REV3L: variants seen among roughly 807,000 people sequenced by gnomAD.
The protein encoded by REV3L is DNA polymerase zeta catalytic subunit.
Under a neutral mutation model 299.4 loss-of-function variants are expected in REV3L, and 69 were observed. The ratio of observed to expected loss-of-function variants is 0.23; its 90% confidence interval spans 0.19 to 0.28. The LOEUF (loss-of-function observed/expected upper bound fraction) is 0.28. Among genes scored for constraint, REV3L ranks in the 10% least tolerant of loss-of-function variants. REV3L has a pLI of 1.00. For missense variants in REV3L, 3,128 were observed against 3,693.8 expected (o/e 0.85, Z 3.97); for synonymous variants, 1,238 against 1,271.4 (o/e 0.97, Z 0.56).
intron 25 of REV3L, among the ~76,000 whole-genome samples, chr6:111,327,230 G>T (rs982594853): frequency 1.3e-5 from 2 of 152,036 alleles, no homozygotes; most frequent in African/African-American, 4.8e-5. Context: ...TTTTAAAACC[G>T]AGAGGCAGGG....
At chr6:111,320,129 C>T (rs958723567) in intron 26 of REV3L, among the ~76,000 whole-genome samples, 6 of 151,148 alleles carry the variant, frequency 4.0e-5, no homozygotes, top group Admixed American at 1.3e-4. Flanking sequence ...AGTGCAATGG[C>T]GCAATCTTGG....
At chr6:111,378,191 TGAA>T (rs1345439208) in intron 11 of REV3L, among the ~76,000 whole-genome samples, 3 of 152,124 alleles carry the variant, frequency 2.0e-5, no homozygotes, top group Non-Finnish European at 4.4e-5. Flanking sequence ...AGGTCAGGGC[TGAA>T]GAGAAAATGC....
At chr6:111,422,646 A>G (rs1473139665) in intron 1 of REV3L, among the ~76,000 whole-genome samples, 5 of 24,616 alleles carry the variant, frequency 2.0e-4, no homozygotes, top group African/African-American at 3.8e-4. Flanking sequence ...ATATATATAT[A>G]TACATATATA....
intron 9 of REV3L, among the ~76,000 whole-genome samples, chr6:111,386,091 G>A (rs1361263858): frequency 6.6e-6 from 1 of 152,108 alleles, no homozygotes; most frequent in Non-Finnish European, 1.5e-5. Context: ...AAAACTGTTA[G>A]AACAGATGCT....
intron 9 of REV3L, among the ~76,000 whole-genome samples, chr6:111,386,694 G>T (rs1582796022): frequency 6.8e-6 from 1 of 146,804 alleles, no homozygotes; most frequent in African/African-American, 2.5e-5. Context: ...TAAAATTTAT[G>T]CTTTACTGCT....
chr6:111,307,731 T>C, intron 30 of REV3L, 161 bp from the exon 31 acceptor site: 1 of 627,160 alleles, frequency 1.6e-6, no homozygotes, highest in Non-Finnish European at 2.8e-6. Context: ...TTCCAGACAC[T>C]GGAGCTACAG....
rs1785075439 is a variant in REV3L at position 111,419,327 on chromosome 6, A to C, written c.140-2855T>G. Reference sequence around the variant, plus strand: ...AGAAACAGGATAAAATAAAAAACTCAAAAGTTAAATAAGGAAAGAGAAATG... The same window carrying C: ...AGAAACAGGATAAAATAAAAAACTCCAAAGTTAAATAAGGAAAGAGAAATG... On this transcript the variant is annotated intron_variant, in intron 1 of 31. Coordinates refer to ENST00000368802, the MANE Select transcript of REV3L (RefSeq NM_001372078.1). Among the ~76,000 whole-genome samples the C allele has an allele frequency of 2.0e-5, 3 of 152,252 alleles. No homozygotes were observed. The South Asian group carries it at 6.2e-4, about 32-fold the overall frequency.
intron 1 of REV3L, among the ~76,000 whole-genome samples, chr6:111,479,931 C>A (rs1281782007): frequency 6.6e-6 from 1 of 152,180 alleles, no homozygotes; most frequent in Non-Finnish European, 1.5e-5. Context: ...AAACACAGAA[C>A]AATCAAAAGT....
chr6:111,319,337 T>C (rs1032607869), intron 26 of REV3L, among the ~76,000 whole-genome samples: 1 of 152,032 alleles, frequency 6.6e-6, no homozygotes, highest in African/African-American at 2.4e-5. Flanking sequence ...GGCGCATGCC[T>C]GTAGTCCCAG....
chr6:111,346,764 C>T (rs1016189325), intron 20 of REV3L, among the ~76,000 whole-genome samples: 16 of 152,062 alleles, frequency 1.1e-4, no homozygotes, highest in African/African-American at 3.1e-4. Flanking sequence ...AACATTTGAC[C>T]CTGAATTTTC....
At chr6:111,391,625 A>G (rs17539420) in intron 5 of REV3L, among the ~76,000 whole-genome samples, 104 of 152,316 alleles carry the variant, frequency 6.8e-4, no homozygotes, top group South Asian at 6.2e-3. Flanking sequence ...TTCAGAAAAA[A>G]TATTTCTCAA....
chr6:111,408,490 G>A (rs890284084), intron 3 of REV3L, among the ~76,000 whole-genome samples: 1 of 151,788 alleles, frequency 6.6e-6, no homozygotes, highest in African/African-American at 2.4e-5. Context: ...TGTAATCCCA[G>A]CTACTCAGGA....
intron 1 of REV3L, among the ~76,000 whole-genome samples, chr6:111,445,538 C>A (rs1788740917): frequency 6.6e-6 from 1 of 152,162 alleles, no homozygotes; most frequent in African/African-American, 2.4e-5. Context: ...GATATACCAA[C>A]AATTCACCAT....
In REV3L at chr6:111,374,095, C is replaced by T; in HGVS notation, c.4260G>A (p.Leu1420=). 1 of 1,613,654 alleles carries T rather than the reference C, an allele frequency of 6.2e-7. No individual in the cohort carries two copies. Among genetic ancestry groups the T allele is most frequent in the Non-Finnish European group, 8.5e-7 (1 of 1,179,808 alleles). Residue 1420 remains leucine (L), a synonymous_variant, in exon 13 of 32, where the codon TTG becomes TTA. Transcript: ENST00000368802. ...KLDQAYTPNF[L]HCKDSQQQIV... is the part of the protein sequence containing the mutation. Reference sequence around the variant, plus strand: ...TCTGCTGCTGACTGTCTTTGCAATGCAAAAAATTAGGGGTATATGCTTGGT... The same window carrying T: ...TCTGCTGCTGACTGTCTTTGCAATGTAAAAAATTAGGGGTATATGCTTGGT...
intron 1 of REV3L, among the ~76,000 whole-genome samples, chr6:111,474,988 T>TATATATATAC (rs151075609): frequency 1.1e-4 from 16 of 145,844 alleles, no homozygotes; most frequent in African/African-American, 4.2e-4. Context: ...TGCCTATATA[T>TATATATATAC]ACACACACAC....
intron 1 of REV3L, among the ~76,000 whole-genome samples, chr6:111,459,191 C>T (rs1300238155): frequency 6.6e-6 from 1 of 152,026 alleles, no homozygotes; most frequent in Non-Finnish European, 1.5e-5. Context: ...GAAAAAGTCC[C>T]TATTCAATAC....
rs1772914197 is a variant in REV3L, at chr6:111,311,006, G to C, written c.8795+63C>G. 3 of 1,284,626 alleles carry C rather than the reference G, an allele frequency of 2.3e-6. No individual in the cohort carries two copies. The South Asian group carries it at 6.2e-5, about 26-fold the overall frequency. The allele number at this position is 1,284,626 out of a possible 1,614,324, so 79.6% of individuals were successfully genotyped here. ...GTGTCTATGGACTGTCTTTTCATTT[G>C]GGTCTTCTAGACCTGTGCAGAATCT... On this transcript the variant is annotated intron_variant, in intron 29 of 31. Transcript: ENST00000368802.
chr6:111,377,779 T>A lies in REV3L; in HGVS notation c.1519A>T (p.Met507Leu). 6.2e-7 allele frequency: 1 copy of A among 1,613,702 alleles called. No individual in the cohort carries two copies. Among genetic ancestry groups the A allele is most frequent in the Non-Finnish European group, 8.5e-7 (1 of 1,179,778 alleles). The stretch of plus-strand genomic sequence containing the variant: ...AGCAAACTGTTATCACTCCATTCCA[T>A]TTCTTCTCCTGAAGATGAGTCATCA... The part of the protein sequence containing the change: ...EDDDSSSGEE[M>L]EWSDNSLLLA... The change falls in exon 12 of 32, where the codon ATG becomes TTG. Residue 507 changes from methionine (M) to leucine (L), a missense_variant. Met to Leu is a conservative substitution (Grantham distance 15, BLOSUM62 2). Around this residue, in one of 9 missense-constraint regions of REV3L, gnomAD observed 2,409 missense variants for 2,611.8 expected, o/e 0.92. Coordinates refer to ENST00000368802, the MANE Select transcript of REV3L (RefSeq NM_001372078.1).
At chr6:111,333,537 C>T (rs1054748497) in intron 22 of REV3L, among the ~76,000 whole-genome samples, 170 bp from the exon 23 acceptor site, 3 of 151,700 alleles carry the variant, frequency 2.0e-5, no homozygotes, top group African/African-American at 4.8e-5. Context: ...TACGATGGCA[C>T]GATTGCGGCT....
Sources: gnomAD v4.1 joint callset for allele counts (sites outside exome capture counted in the v4.1 genomes callset) on GRCh38, gnomAD v4.1.1 for gene constraint, gnomAD v4.1.1 regional missense constraint, MANE v1.5 for transcripts, NCBI Gene and HGNC (gene_info 2026-07-23, HGNC 2026-07-21) for gene names.